The following IFRD1 variants were observed in gnomAD, a reference collection of about 807,000 sequenced individuals.
IFRD1 encodes the protein interferon related developmental regulator 1.
Under a neutral mutation model 52.9 loss-of-function variants are expected in IFRD1, and 35 were observed. That is an observed-to-expected ratio of 0.66 (90% CI 0.51 to 0.88). IFRD1 has a LOEUF of 0.88. Among genes scored for constraint, IFRD1 ranks in the 40% least tolerant of loss-of-function variants. The probability of loss-of-function intolerance (pLI) is 0.00; values close to 1 mark genes in which losing one functional copy is unlikely to be tolerated. For missense variants in IFRD1, 517 were observed against 550.8 expected, an observed-to-expected ratio of 0.94 and a Z score of 0.61; for synonymous variants, 184 against 188.4, an observed-to-expected ratio of 0.98 and a Z score of 0.19.
chr7:112,431,615 G>T (rs1005268918), intron 1 of IFRD1, among the ~76,000 whole-genome samples: 1 of 152,132 alleles, frequency 6.6e-6, no homozygotes, highest in African/African-American at 2.4e-5. Flanking sequence ...GAAACATCCA[G>T]GGCAGTAGGA....
Position 112,456,074 on chromosome 7 carries a change from C to A in IFRD1, c.272C>A (p.Thr91Asn), listed in dbSNP as rs1426099331. ...AAGTTGAAGGGATTAATTGACCTAA[C>A]CCTGGATAAGAGGTAGGCAATACTG... ...EYKLKGLIDL[T>N]LDKSAKTRQA... is the part of the protein sequence containing the mutation. Residue 91 changes from threonine (T) to asparagine (N), a missense_variant, in exon 3 of 12, where the codon ACC becomes AAC. By Grantham distance (65) the Thr-to-Asn change is moderately conservative. Coordinates refer to ENST00000403825, the MANE Select transcript of IFRD1 (RefSeq NM_001550.4). The A allele has an allele frequency of 1.3e-6, 2 of 1,597,516 alleles. No individual in the cohort carries two copies. The highest frequency in any genetic ancestry group is 1.7e-6 in the Non-Finnish European group (2 of 1,165,066).
At chr7:112,448,328 A>T (rs970841026), upstream of IFRD1, among the ~76,000 whole-genome samples, 1 of 152,174 alleles carries the variant, frequency 6.6e-6, no homozygotes, top group Admixed American at 6.5e-5. Flanking sequence ...AGGGATTTGG[A>T]AAAAAAGCCC....
rs182082754 is a variant in IFRD1, at chr7:112,468,750, G to A, written c.1041+635G>A. Among the ~76,000 whole-genome samples the A allele has an allele frequency of 1.6e-3, 241 of 152,204 alleles. 1 individual carries two copies. The highest frequency in any genetic ancestry group is 5.4e-3 in the African/African-American group (224 of 41,532). Reference sequence around the variant, plus strand: ...CCTGACCTTGTGATCCACCCGCATCGGCCTTCCAAAGTGCTGGGATTACAG... The same window carrying A: ...CCTGACCTTGTGATCCACCCGCATCAGCCTTCCAAAGTGCTGGGATTACAG... On this transcript the variant is annotated intron_variant, in intron 9 of 11. Coordinates refer to ENST00000403825, the MANE Select transcript of IFRD1 (RefSeq NM_001550.4).
rs773979742 is a variant in IFRD1 at position 112,462,232 on chromosome 7, T to C, written c.798-38T>C. On this transcript the variant is annotated intron_variant, in intron 7 of 11. Transcript: ENST00000403825. The stretch of plus-strand genomic sequence containing the variant: ...AAAAGCAACATTTAGTGGACATAAT[T>C]GGTTGTATTCACATAGTAATGACTA... 5.0e-6 allele frequency: 8 copies of C among 1,608,586 alleles called. 1 individual carries two copies. In the South Asian group the frequency reaches 7.7e-5, roughly 15 times the overall value.
At chr7:112,458,791 G>A in intron 4 of IFRD1, 70 bp from the exon 5 acceptor site, 1 of 1,405,600 alleles carries the variant, frequency 7.1e-7, no homozygotes, top group Non-Finnish European at 1.0e-6. Flanking sequence ...ATCAAATTTG[G>A]GAAATAACTG....
At position 112,475,795 on chromosome 7, in the gene IFRD1, C is replaced by CA. The variant is rs936914491; in HGVS notation, c.*278dup. Reference sequence around the variant, plus strand: ...AAGACTGATTTCATGATGGGGAAAACAATTAGCCAAAGTTTAATTTCTTAC... The same window carrying CA: ...AAGACTGATTTCATGATGGGGAAAACAAATTAGCCAAAGTTTAATTTCTTAC... On this transcript the variant is annotated 3_prime_UTR_variant, in exon 12 of 12. Coordinates refer to ENST00000403825, the MANE Select transcript of IFRD1 (RefSeq NM_001550.4). The CA allele has an allele frequency of 2.8e-6, 1 of 359,818 alleles. No homozygotes were observed. The highest frequency in any genetic ancestry group is 2.1e-5 in the African/African-American group (1 of 47,032). 22.3% of individuals were successfully genotyped at this position (359,818 alleles called of 1,614,324 possible).
rs542443003 is a variant in IFRD1 at position 112,443,052 on chromosome 7, T to G, written c.-181-7456T>G. 1.7e-4 allele frequency among the ~76,000 whole-genome samples: 26 copies of G among 152,318 alleles called. No individual in the cohort carries two copies. The South Asian group carries it at 5.2e-3, about 30-fold the overall frequency. Reference sequence around the variant, plus strand: ...GAAATAGGTTCTATCATTAATCACATTGAAACCAAGGCATGGAAGAGTGAA... The same window carrying G: ...GAAATAGGTTCTATCATTAATCACAGTGAAACCAAGGCATGGAAGAGTGAA... On this transcript the variant is annotated intron_variant, in intron 1 of 12. Coordinates refer to the IFRD1 transcript ENST00000005558.
At chr7:112,439,070 G>A (rs1347501731) in intron 1 of IFRD1, among the ~76,000 whole-genome samples, 1 of 152,124 alleles carries the variant, frequency 6.6e-6, no homozygotes, top group Admixed American at 6.5e-5. Context: ...CCAAAGATGG[G>A]TAAAGAACAA....
chr7:112,432,553 T>A (rs1223663249), intron 1 of IFRD1, among the ~76,000 whole-genome samples: 1 of 152,254 alleles, frequency 6.6e-6, no homozygotes, highest in Non-Finnish European at 1.5e-5. Flanking sequence ...TTTTTAAACC[T>A]TTGAACCAAT....
At chr7:112,441,416 G>A (rs1427809258) in intron 1 of IFRD1, among the ~76,000 whole-genome samples, 2 of 151,640 alleles carry the variant, frequency 1.3e-5, no homozygotes, top group Non-Finnish European at 2.9e-5. Flanking sequence ...CTCCAGTCTG[G>A]GTGAGAGGCA....
chr7:112,470,036 A>C (rs147890302), intron 9 of IFRD1, among the ~76,000 whole-genome samples: 163 of 152,008 alleles, frequency 1.1e-3, no homozygotes, highest in African/African-American at 3.7e-3. Context: ...AACTGCCACA[A>C]AGGATATGTA....
chr7:112,455,198 C>T (rs1009512172), intron 1 of IFRD1, among the ~76,000 whole-genome samples: 19 of 151,654 alleles, frequency 1.3e-4, no homozygotes, highest in Admixed American at 8.5e-4. Context: ...AAAATGAGTG[C>T]GTCGGCTGGG....
intron 9 of IFRD1, among the ~76,000 whole-genome samples, chr7:112,469,507 TA>T (rs1795693960): frequency 1.3e-5 from 2 of 152,346 alleles, no homozygotes; most frequent in South Asian, 4.1e-4. Flanking sequence ...GCAGTATCTC[TA>T]AAGTAAGCCA....
chr7:112,440,490 T>G (rs1214624895), intron 1 of IFRD1, among the ~76,000 whole-genome samples: 15 of 152,252 alleles, frequency 9.9e-5, no homozygotes, highest in Non-Finnish European at 1.5e-5. Flanking sequence ...TCAATTCAGT[T>G]TGGCATAGGT....
At chr7:112,430,935 G>A (rs950168453) in intron 1 of IFRD1, among the ~76,000 whole-genome samples, 13 of 152,202 alleles carry the variant, frequency 8.5e-5, no homozygotes, top group African/African-American at 2.9e-4. Flanking sequence ...CTCCCCAAAG[G>A]CCAGTGAGAG....
At chr7:112,429,786 T>C (rs1182461187) in intron 1 of IFRD1, among the ~76,000 whole-genome samples, 1 of 152,238 alleles carries the variant, frequency 6.6e-6, no homozygotes, top group Admixed American at 6.5e-5. Flanking sequence ...AAAAAGAATA[T>C]ACTCTGCAAC....
chr7:112,443,816 C>T lies in IFRD1; in HGVS notation c.-181-6692C>T, dbSNP rs556582952. Among the ~76,000 whole-genome samples, 65 of 148,912 alleles carry T rather than the reference C, an allele frequency of 4.4e-4. 1 individual carries two copies. In the South Asian group the frequency reaches 0.013, roughly 31 times the overall value. On this transcript the variant is annotated intron_variant, in intron 1 of 12. Coordinates refer to the IFRD1 transcript ENST00000005558. ...GGTGGAGGTTGCAGTGAACCGAGATCGCACCATGGCACTCTAGCCTGGGTG... is the reference window on the plus strand; with the variant it reads ...GGTGGAGGTTGCAGTGAACCGAGATTGCACCATGGCACTCTAGCCTGGGTG...
chr7:112,453,455 G>A (rs772078845), intron 1 of IFRD1, among the ~76,000 whole-genome samples: 2 of 151,978 alleles, frequency 1.3e-5, no homozygotes, highest in Non-Finnish European at 2.9e-5. Context: ...ATATATATGT[G>A]TATTTTTTTT....
In IFRD1 at chr7:112,450,501, A is replaced by G; in HGVS notation, c.-188A>G. ...TAGAGAGAAACATGTATCGTTTTCG[A>G]TCACAGCTCTTCACGGGGATTTCTG... On this transcript the variant is annotated 5_prime_UTR_variant, in exon 1 of 12. Coordinates refer to ENST00000403825, the MANE Select transcript of IFRD1 (RefSeq NM_001550.4). 1.6e-6 allele frequency: 1 copy of G among 631,406 alleles called. No homozygotes were observed. 39.1% of individuals were successfully genotyped at this position (631,406 alleles called of 1,614,324 possible).
Sources: allele counts gnomAD v4.1 joint callset (sites outside exome capture counted in the v4.1 genomes callset), GRCh38; gene constraint gnomAD v4.1.1; transcripts MANE v1.5; gene names NCBI Gene and HGNC (gene_info 2026-07-23, HGNC 2026-07-21).